PPP2R2C: variants seen among roughly 807,000 people sequenced by gnomAD.
The protein encoded by PPP2R2C is protein phosphatase 2, regulatory subunit B, gamma.
In PPP2R2C, 10 loss-of-function variants were observed where a neutral mutation model predicts 45.3. The ratio of observed to expected loss-of-function variants is 0.22; its 90% CI spans 0.14 to 0.37. The LOEUF (loss-of-function observed/expected upper bound fraction) is 0.37. Ranked by LOEUF, PPP2R2C falls within the 10% of genes least tolerant of loss-of-function variation. The pLI, the probability that PPP2R2C is intolerant of heterozygous loss-of-function variation, is 1.00. For synonymous variants in PPP2R2C, 257 were observed against 245.4 expected, an observed-to-expected ratio of 1.05 and a Z score of -0.44; for missense variants, 308 against 619.7, an observed-to-expected ratio of 0.50 and a Z score of 5.34.
intron 1 of PPP2R2C, among the ~76,000 whole-genome samples, chr4:6,398,419 A>G (rs113401264): frequency 6.6e-6 from 1 of 152,186 alleles, no homozygotes; most frequent in African/African-American, 2.4e-5. Flanking sequence ...AAACACAAGC[A>G]ACCTGATTTA....
intron 2 of PPP2R2C, among the ~76,000 whole-genome samples, chr4:6,528,399 G>A (rs1351791114): frequency 6.6e-6 from 1 of 152,224 alleles, no homozygotes. Context: ...CTGAGCTGGT[G>A]AGCGCCCTGC....
At chr4:6,415,125 G>C (rs1007717573) in intron 1 of PPP2R2C, among the ~76,000 whole-genome samples, 7 of 152,214 alleles carry the variant, frequency 4.6e-5, no homozygotes, top group Non-Finnish European at 1.0e-4. Flanking sequence ...CAGTGCATGC[G>C]CCTCGTCCGC....
intron 2 of PPP2R2C, among the ~76,000 whole-genome samples, chr4:6,530,942 T>C (rs960752285): frequency 5.3e-5 from 8 of 152,162 alleles, no homozygotes; most frequent in African/African-American, 1.7e-4. Context: ...GAGGGACACA[T>C]TCCTGCTTGT....
chr4:6,383,562 A>G (rs973335624), intron 1 of PPP2R2C: 4 of 638,692 alleles, frequency 6.3e-6, no homozygotes, highest in African/African-American at 1.9e-5. Context: ...GCTCCTTCCT[A>G]TTCTTCCAAT....
chr4:6,563,073 C>T lies in PPP2R2C; in HGVS notation c.-59+487G>A, dbSNP rs369738254. 7.9e-5 allele frequency among the ~76,000 whole-genome samples: 12 copies of T among 152,292 alleles called. No homozygotes were observed. In the South Asian group the frequency reaches 1.0e-3, roughly 13 times the overall value. On this transcript the variant is annotated intron_variant, in intron 1 of 9. Coordinates refer to the PPP2R2C transcript ENST00000506140. This position sits in a 1 kb window ranked among gnomAD's most constrained non-coding sequence, Gnocchi z 5.8. Reference sequence around the variant, plus strand: ...CGTAGACGCTGCTGGATGGTACCCGCGGCCGGGACTGAACTCCGCCGCATT... The same window carrying T: ...CGTAGACGCTGCTGGATGGTACCCGTGGCCGGGACTGAACTCCGCCGCATT...
chr4:6,381,623 G>GCC, intron 1 of PPP2R2C: 3 of 1,488,544 alleles, frequency 2.0e-6, no homozygotes, highest in Non-Finnish European at 2.7e-6. Context: ...CTGCTCTGTG[G>GCC]CCCCACCTCC....
At chr4:6,352,489 CA>C (rs1205160166) in intron 5 of PPP2R2C, among the ~76,000 whole-genome samples, 1 of 152,202 alleles carries the variant, frequency 6.6e-6, no homozygotes, top group African/African-American at 2.4e-5. Flanking sequence ...TTTCCCCTGG[CA>C]AAGCTGCTTG....
At chr4:6,516,426 C>G (rs1182750298) in intron 2 of PPP2R2C, among the ~76,000 whole-genome samples, 1 of 151,992 alleles carries the variant, frequency 6.6e-6, no homozygotes, top group Non-Finnish European at 1.5e-5. Flanking sequence ...CTCTGTGCAG[C>G]TGAGCAAGCT....
intron 1 of PPP2R2C, among the ~76,000 whole-genome samples, chr4:6,550,295 A>G (rs1478109930): frequency 6.7e-6 from 1 of 150,328 alleles, no homozygotes; most frequent in Non-Finnish European, 1.5e-5. Context: ...CCCCCAGCCC[A>G]GTTACCAAGT....
intron 1 of PPP2R2C, among the ~76,000 whole-genome samples, chr4:6,558,896 T>A (rs1295742499): frequency 6.6e-6 from 1 of 152,062 alleles, no homozygotes; most frequent in Non-Finnish European, 1.5e-5. Context: ...CCCAGCGTCA[T>A]CTTTTTTTCT....
chr4:6,389,038 T>C (rs931325035), intron 1 of PPP2R2C, among the ~76,000 whole-genome samples: 2 of 151,976 alleles, frequency 1.3e-5, no homozygotes, highest in Non-Finnish European at 2.9e-5. Flanking sequence ...AGATGCCCCC[T>C]GCAGCTTTCA....
At chr4:6,327,137 A>G (rs1344152348) in intron 8 of PPP2R2C, among the ~76,000 whole-genome samples, 3 of 152,198 alleles carry the variant, frequency 2.0e-5, no homozygotes, top group African/African-American at 7.2e-5. Flanking sequence ...ACCCACAGCC[A>G]CTGGACACAC....
At chr4:6,352,153 G>A (rs189229069) in intron 5 of PPP2R2C, among the ~76,000 whole-genome samples, 4 of 152,140 alleles carry the variant, frequency 2.6e-5, no homozygotes, top group Admixed American at 2.0e-4. Flanking sequence ...GACCACACTC[G>A]GTGGCTTTAA....
Position 6,471,791 on chromosome 4 carries a change from T to G in PPP2R2C, c.70+369A>C. On this transcript the variant is annotated intron_variant, in intron 1 of 8. Coordinates refer to ENST00000382599, the MANE Select transcript of PPP2R2C (RefSeq NM_020416.4). This position sits in a 1 kb window ranked among gnomAD's most constrained non-coding sequence, Gnocchi z 5.6. ...AATGGCAAATCCAGGATTTAAACCA[T>G]TAAATTTCCCCGAGATTTCTTCACC... The G allele has an allele frequency of 9.0e-6, 2 of 221,650 alleles. No individual in the cohort carries two copies. The highest frequency in any genetic ancestry group is 9.7e-5 in the East Asian group (1 of 10,344). 13.7% of individuals were successfully genotyped at this position (221,650 alleles called of 1,614,324 possible).
At chr4:6,457,194 C>T (rs1033178609) in intron 1 of PPP2R2C, among the ~76,000 whole-genome samples, 7 of 128,270 alleles carry the variant, frequency 5.5e-5, no homozygotes, top group Admixed American at 2.6e-4. Context: ...GGCGACAGAG[C>T]GAGACTCCAT....
chr4:6,413,543 T>G (rs1471059640), intron 1 of PPP2R2C, among the ~76,000 whole-genome samples: 1 of 152,198 alleles, frequency 6.6e-6, no homozygotes, highest in Non-Finnish European at 1.5e-5. Flanking sequence ...CAGATGCTGG[T>G]GGGTGTGCAT....
intron 6 of PPP2R2C, among the ~76,000 whole-genome samples, chr4:6,346,374 G>A (rs371333765): frequency 2.6e-4 from 40 of 152,170 alleles, no homozygotes; most frequent in African/African-American, 8.4e-4. Flanking sequence ...CCCAGAGATC[G>A]GCACCACCCA....
chr4:6,549,477 C>A (rs903377036), intron 1 of PPP2R2C, among the ~76,000 whole-genome samples: 1 of 152,206 alleles, frequency 6.6e-6, no homozygotes, highest in Non-Finnish European at 1.5e-5. Context: ...GAGTCCCAGG[C>A]AGAATCACAG....
chr4:6,361,115 C>T (rs561353134), intron 5 of PPP2R2C, among the ~76,000 whole-genome samples: 123 of 152,312 alleles, frequency 8.1e-4, no homozygotes, highest in Middle Eastern at 6.8e-3. Context: ...ATGGAGGAGA[C>T]ACAATCTAGC....
Sources: allele counts gnomAD v4.1 joint callset (sites outside exome capture counted in the v4.1 genomes callset), GRCh38; gene constraint gnomAD v4.1.1; non-coding constraint Gnocchi (gnomAD v3.1); transcripts MANE v1.5; gene names NCBI Gene and HGNC (gene_info 2026-07-23, HGNC 2026-07-21).